The following GPRC5D variants were observed in gnomAD, a reference collection of about 807,000 sequenced individuals.
The protein encoded by GPRC5D is G protein-coupled receptor class C group 5 member D.
In GPRC5D, 20 loss-of-function variants were observed where a neutral mutation model predicts 29.3. The observed-to-expected ratio is 0.68, with a 90% CI of 0.48 to 0.99. The LOEUF (loss-of-function observed/expected upper bound fraction) is 0.99. Among genes scored for constraint, GPRC5D ranks in the 50% least tolerant of loss-of-function variants. The pLI, the probability that GPRC5D is intolerant of heterozygous loss-of-function variation, is 0.00. For missense variants in GPRC5D, 384 were observed against 423.6 expected (o/e 0.91, Z 0.82); for synonymous variants, 178 against 171.3 (o/e 1.04, Z -0.30).
chr12:12,946,307 CCTTTTCTTTCTTTCTTTCTTT>C (rs1863326890), intron 1 of GPRC5D, among the ~76,000 whole-genome samples: 1 of 22,976 alleles, frequency 4.4e-5, no homozygotes, highest in Admixed American at 4.4e-4. Context: ...TTCCTTCCTT[CCTTTTCTTTCTTTCTTTCTTT>C]CTTTCTTTCT....
intron 1 of GPRC5D, chr12:12,947,327 C>A (rs1863373543): frequency 6.6e-6 from 1 of 152,180 alleles, no homozygotes; most frequent in South Asian, 2.1e-4. Context: ...TAGCTCTTAA[C>A]CTATTTCGTA....
exon 1 of GPRC5D, chr12:12,950,194 A>T (rs780885198): frequency 1.9e-6 from 3 of 1,613,786 alleles, no homozygotes; most frequent in South Asian, 2.2e-5. Flanking sequence ...GAGGAAGAGG[A>T]GCTGGGTGGG....
At chr12:12,943,841 AG>A (rs1303493599) in intron 1 of GPRC5D, among the ~76,000 whole-genome samples, 1 of 152,188 alleles carries the variant, frequency 6.6e-6, no homozygotes. Flanking sequence ...CTCTAGCTAT[AG>A]TTCATGAGTT....
intron 1 of GPRC5D, among the ~76,000 whole-genome samples, chr12:12,946,006 TG>T (rs1863305096): frequency 6.6e-6 from 1 of 152,252 alleles, no homozygotes; most frequent in African/African-American, 2.4e-5. Flanking sequence ...CAGATGTTTT[TG>T]TATCTTAAAA....
exon 1 of GPRC5D, chr12:12,950,186 G>A (rs777311503): frequency 6.2e-7 from 1 of 1,613,720 alleles, no homozygotes; most frequent in East Asian, 2.2e-5. Flanking sequence ...ACACTCAGGA[G>A]GAAGAGGAGC....
chr12:12,949,440 C>A (rs760469167), intron 1 of GPRC5D, 50 bp downstream of exon 2: 1 of 1,486,522 alleles, frequency 6.7e-7, no homozygotes, highest in South Asian at 1.3e-5. Flanking sequence ...TTTTCTCCTG[C>A]TTCTCCTGTA....
chr12:12,942,290 T>A, exon 2 of GPRC5D: 1 of 1,612,626 alleles, frequency 6.2e-7, no homozygotes. Flanking sequence ...CCATATGAAG[T>A]TAATGCTACA....
intron 1 of GPRC5D, 84 bp from the exon 3 acceptor site, chr12:12,942,412 G>T: frequency 3.5e-6 from 3 of 860,686 alleles, no homozygotes; most frequent in Non-Finnish European, 5.9e-6. Context: ...AAAACTCCAT[G>T]GCTTGCAAAC....
At chr12:12,950,596 C>T (rs1863471100), upstream of GPRC5D, among the ~76,000 whole-genome samples, 1 of 152,194 alleles carries the variant, frequency 6.6e-6, no homozygotes, top group Non-Finnish European at 1.5e-5. Context: ...CACTTGAGGT[C>T]AGCAGTTCAA....
At chr12:12,949,852 A>G (rs772290437) in exon 1 of GPRC5D, 4 of 1,614,172 alleles carry the variant, frequency 2.5e-6, no homozygotes, top group Admixed American at 1.7e-5. Context: ...CATCAGGAAG[A>G]GGACATAGAC....
upstream of GPRC5D, among the ~76,000 whole-genome samples, chr12:12,951,826 A>G (rs528198953): frequency 4.6e-5 from 7 of 152,314 alleles, no homozygotes; most frequent in South Asian, 6.2e-4. Context: ...ATTCAAGTCA[A>G]TCCAATGCAG....
chr12:12,942,201 G>A, intron 2 of GPRC5D, 60 bp downstream of exon 3: 1 of 1,052,066 alleles, frequency 9.5e-7, no homozygotes, highest in Non-Finnish European at 1.5e-6. Context: ...GCCTGAGGCT[G>A]TCCTAAGGAA....
chr12:12,945,502 T>C (rs766451954), intron 1 of GPRC5D, among the ~76,000 whole-genome samples: 3 of 152,224 alleles, frequency 2.0e-5, no homozygotes, highest in Non-Finnish European at 4.4e-5. Context: ...CTGATTTTAT[T>C]CTATTTATTT....
intron 1 of GPRC5D, among the ~76,000 whole-genome samples, chr12:12,944,841 CCT>C (rs1491438952): frequency 0.02 from 501 of 25,196 alleles, 66 homozygotes; most frequent in Admixed American, 0.05. Context: ...TTCCTTCCTT[CCT>C]TCCTTCCTTC....
At chr12:12,944,828 TCCTTCCTTCCTTCCTTCCTTCC>T (rs1863247421) in intron 1 of GPRC5D, among the ~76,000 whole-genome samples, 3 of 21,814 alleles carry the variant, frequency 1.4e-4, no homozygotes, top group Admixed American at 7.5e-4. Context: ...CTTCCTTCCT[TCCTTCCTTCCTTCCTTCCTTCC>T]TTCTTTCTTT....
intron 1 of GPRC5D, among the ~76,000 whole-genome samples, chr12:12,946,779 G>T (rs1455162417): frequency 6.6e-6 from 1 of 151,976 alleles, no homozygotes; most frequent in African/African-American, 2.4e-5. Flanking sequence ...TCCAGCTAGG[G>T]ATCCCTTGTC....
chr12:12,949,353 G>A (rs762392755), intron 1 of GPRC5D, 137 bp downstream of exon 2: 2 of 696,712 alleles, frequency 2.9e-6, no homozygotes, highest in Non-Finnish European at 5.0e-6. Context: ...GCATTTCTAT[G>A]CTTGAACTAT....
chr12:12,943,479 A>G (rs1285726900), intron 1 of GPRC5D, among the ~76,000 whole-genome samples: 1 of 152,218 alleles, frequency 6.6e-6, no homozygotes, highest in African/African-American at 2.4e-5. Flanking sequence ...CAGTAAGTCT[A>G]TCTCATAGGA....
chr12:12,951,906 C>T (rs377621887), upstream of GPRC5D, among the ~76,000 whole-genome samples: 1 of 152,134 alleles, frequency 6.6e-6, no homozygotes, highest in African/African-American at 2.4e-5. Context: ...TCTTTAAATA[C>T]CTTTTTGAAC....
Sources: gnomAD v4.1 joint callset for allele counts (sites outside exome capture counted in the v4.1 genomes callset) on GRCh38, gnomAD v4.1.1 for gene constraint, MANE v1.5 for transcripts, NCBI Gene and HGNC (gene_info 2026-07-23, HGNC 2026-07-21) for gene names.